The following PRKCE variants were observed in gnomAD, a reference collection of about 807,000 sequenced individuals.
PRKCE encodes protein kinase C epsilon type.
In PRKCE, 16 loss-of-function variants were observed where a neutral mutation model predicts 85.4. The observed-to-expected ratio is 0.19, with a 90% confidence interval of 0.13 to 0.28. The LOEUF (loss-of-function observed/expected upper bound fraction) is 0.28, where lower values mean the gene tolerates loss of function less well. PRKCE is among the 10% of genes least tolerant of loss of function. PRKCE has a pLI of 1.00. For missense variants in PRKCE, 573 were observed against 975.2 expected (o/e 0.59, Z 5.49); for synonymous variants, 388 against 371.5 (o/e 1.04, Z -0.51).
At chr2:46,069,555 G>C (rs771364841) in intron 10 of PRKCE, among the ~76,000 whole-genome samples, 2 of 152,034 alleles carry the variant, frequency 1.3e-5, no homozygotes, top group Non-Finnish European at 1.5e-5. Flanking sequence ...CATTTATCTA[G>C]CACTTATCAG....
At chr2:46,100,303 G>A (rs1231316552) in intron 11 of PRKCE, among the ~76,000 whole-genome samples, 2 of 152,074 alleles carry the variant, frequency 1.3e-5, no homozygotes, top group Admixed American at 6.5e-5. Flanking sequence ...CTCTGCTCTC[G>A]GTATGTCAAA....
chr2:46,164,466 G>A lies in PRKCE; in HGVS notation c.2067+4714G>A, dbSNP rs546246532. Among the ~76,000 whole-genome samples the A allele has an allele frequency of 6.0e-4, 91 of 152,324 alleles. 1 individual carries two copies. The highest frequency in any genetic ancestry group is 3.4e-3 in the Middle Eastern group (1 of 294). On this transcript the variant is annotated intron_variant, in intron 14 of 14. Transcript: ENST00000306156. ...GAGGGAGCTCCAGGTTTCCTCTGTC[G>A]TGTGTTACCTCCACTTGCTTCCAAG...
chr2:45,664,029 C>G (rs1675802464), intron 1 of PRKCE, among the ~76,000 whole-genome samples: 1 of 152,198 alleles, frequency 6.6e-6, no homozygotes, highest in Admixed American at 6.5e-5. Flanking sequence ...TTTCTATGTT[C>G]TAGGAACTTT....
intron 11 of PRKCE, among the ~76,000 whole-genome samples, chr2:46,122,881 G>T (rs1263269178): frequency 3.5e-4 from 41 of 117,162 alleles, no homozygotes; most frequent in African/African-American, 1.3e-3. Context: ...AACAGTCTGG[G>T]TTTTTTTTTT....
intron 1 of PRKCE, among the ~76,000 whole-genome samples, chr2:45,832,796 T>A (rs1183142099): frequency 1.3e-5 from 2 of 152,096 alleles, no homozygotes; most frequent in East Asian, 3.8e-4. Flanking sequence ...TTCTGCAAAT[T>A]GTGAGGATGC....
chr2:46,122,146 TG>T (rs1379438886), intron 11 of PRKCE, among the ~76,000 whole-genome samples: 1 of 152,230 alleles, frequency 6.6e-6, no homozygotes, highest in Non-Finnish European at 1.5e-5. Flanking sequence ...TGCTCCCCAC[TG>T]CCCGGAGAGG....
At chr2:45,926,369 T>A (rs1698614818) in intron 2 of PRKCE, among the ~76,000 whole-genome samples, 1 of 152,162 alleles carries the variant, frequency 6.6e-6, no homozygotes, top group African/African-American at 2.4e-5. Flanking sequence ...TAGGTTTCCA[T>A]TACACAGCAA....
chr2:46,081,255 A>C (rs1214927589), intron 10 of PRKCE, among the ~76,000 whole-genome samples: 1 of 152,222 alleles, frequency 6.6e-6, no homozygotes, highest in African/African-American at 2.4e-5. Flanking sequence ...GATCACAGGC[A>C]TGAGCCACCA....
chr2:45,805,499 G>T (rs1283723800), intron 1 of PRKCE, among the ~76,000 whole-genome samples: 4 of 152,214 alleles, frequency 2.6e-5, no homozygotes, highest in African/African-American at 7.2e-5. Flanking sequence ...CAGAGGACAG[G>T]TGTGGGTCCT....
At chr2:45,970,575 C>T (rs1702043199) in intron 2 of PRKCE, among the ~76,000 whole-genome samples, 1 of 151,988 alleles carries the variant, frequency 6.6e-6, no homozygotes, top group Admixed American at 6.6e-5. Flanking sequence ...CTGTTCTAGA[C>T]TAAGATTAAG....
chr2:45,656,757 G>A (rs1050518526), intron 1 of PRKCE, among the ~76,000 whole-genome samples: 1 of 152,256 alleles, frequency 6.6e-6, no homozygotes, highest in East Asian at 1.9e-4. Flanking sequence ...CTGTCCCAGA[G>A]ATTCTGACCA....
At chr2:46,110,858 C>T (rs934144734) in intron 11 of PRKCE, among the ~76,000 whole-genome samples, 1 of 152,066 alleles carries the variant, frequency 6.6e-6, no homozygotes, top group Non-Finnish European at 1.5e-5. Context: ...ACACTGCTTT[C>T]ACCGTATTCC....
At position 45,652,166 on chromosome 2, in the gene PRKCE, C is replaced by G. The variant is rs35135425; in HGVS notation, c.66C>G (p.Ala22=). 1 of 1,612,144 alleles carries G rather than the reference C, an allele frequency of 6.2e-7. No homozygotes were observed. The highest frequency in any genetic ancestry group is 8.5e-7 in the Non-Finnish European group (1 of 1,179,064). Residue 22 remains alanine (A), a synonymous_variant, in exon 1 of 15, where the codon GCC becomes GCG. Transcript: ENST00000306156. This position sits in a 1 kb window ranked among gnomAD's most constrained non-coding sequence, Gnocchi z 7.7. ...AGGCCGTGAGCTTGAAGCCCACAGCCTGGTCGCTGCGCCATGCGGTGGGAC... is the reference window on the plus strand; with the variant it reads ...AGGCCGTGAGCTTGAAGCCCACAGCGTGGTCGCTGCGCCATGCGGTGGGAC... The part of the protein sequence containing the change: ...ICEAVSLKPT[A]WSLRHAVGPR...
At chr2:46,079,558 A>C (rs918015199) in intron 10 of PRKCE, among the ~76,000 whole-genome samples, 1 of 152,222 alleles carries the variant, frequency 6.6e-6, no homozygotes, top group Non-Finnish European at 1.5e-5. Flanking sequence ...TAGGACCCAC[A>C]ATTTCCTTAT....
At chr2:46,025,403 G>C (rs1419828927) in intron 10 of PRKCE, among the ~76,000 whole-genome samples, 1 of 152,136 alleles carries the variant, frequency 6.6e-6, no homozygotes, top group East Asian at 1.9e-4. Context: ...CTTAATATCA[G>C]GTATTCCAGG....
At chr2:45,863,218 T>C (rs972644351) in intron 2 of PRKCE, among the ~76,000 whole-genome samples, 3 of 152,148 alleles carry the variant, frequency 2.0e-5, no homozygotes, top group Non-Finnish European at 4.4e-5. Context: ...TAGGATACTT[T>C]GGTAGGAAGA....
In PRKCE at chr2:45,924,875, C is replaced by T. The variant is rs115068444; in HGVS notation, c.413-51554C>T. On this transcript the variant is annotated intron_variant, in intron 2 of 14. Coordinates refer to ENST00000306156, the MANE Select transcript of PRKCE (RefSeq NM_005400.3). ...GAAGGCATAGGTCAGTTACCAAAGCCAGGCCTGGGCTTGCAGGAAACAGCA... is the reference window on the plus strand; with the variant it reads ...GAAGGCATAGGTCAGTTACCAAAGCTAGGCCTGGGCTTGCAGGAAACAGCA... Among the ~76,000 whole-genome samples, 18 of 152,330 alleles carry T rather than the reference C, an allele frequency of 1.2e-4. 1 individual carries two copies. In the South Asian group the frequency reaches 2.3e-3, roughly 19 times the overall value.
intron 2 of PRKCE, among the ~76,000 whole-genome samples, chr2:45,880,880 G>A (rs979693307): frequency 4.6e-5 from 7 of 152,098 alleles, no homozygotes; most frequent in Admixed American, 1.3e-4. Context: ...TAGGCCGGGC[G>A]CGGTGGCTCA....
At chr2:46,127,213 T>A (rs1231447924) in intron 11 of PRKCE, among the ~76,000 whole-genome samples, 1 of 152,210 alleles carries the variant, frequency 6.6e-6, no homozygotes, top group Non-Finnish European at 1.5e-5. Flanking sequence ...AATTTATCAT[T>A]GATATTTTCT....
Sources: allele counts gnomAD v4.1 joint callset (sites outside exome capture counted in the v4.1 genomes callset), GRCh38; gene constraint gnomAD v4.1.1; non-coding constraint Gnocchi (gnomAD v3.1); transcripts MANE v1.5; gene names NCBI Gene and HGNC (gene_info 2026-07-23, HGNC 2026-07-21).